The following ZC3H12B variants were observed in gnomAD, a reference collection of about 807,000 sequenced individuals.
ZC3H12B encodes probable ribonuclease ZC3H12B.
A neutral mutation model predicts 43.9 loss-of-function variants in ZC3H12B; 7 were observed. The ratio of observed to expected loss-of-function variants is 0.16; its 90% CI spans 0.09 to 0.30. The LOEUF (loss-of-function observed/expected upper bound fraction) is 0.30, where lower values mean the gene tolerates loss of function less well. Among genes scored for constraint, ZC3H12B ranks in the 10% least tolerant of loss-of-function variants. The probability of loss-of-function intolerance (pLI) is 1.00; values close to 1 mark genes in which losing one functional copy is unlikely to be tolerated. For synonymous variants in ZC3H12B, 222 were observed against 241.7 expected (o/e 0.92, Z 0.76); for missense variants, 475 against 670.2 (o/e 0.71, Z 3.22).
chrX:65,390,089 A>T, intron 2 of ZC3H12B, among the ~76,000 whole-genome samples: 1 of 112,064 alleles, frequency 8.9e-6, no homozygotes, highest in Non-Finnish European at 1.9e-5. Context: ...AAAAAGGATG[A>T]GTTCATGTCC....
chrX:65,454,187 G>A (rs1403620279), intron 3 of ZC3H12B, among the ~76,000 whole-genome samples: 1 of 112,781 alleles, frequency 8.9e-6, no homozygotes, highest in African/African-American at 3.2e-5. Context: ...GAAGCAGGGC[G>A]AGGCATCACC....
At chrX:65,335,183 C>A in the ZC3H12B span, among the ~76,000 whole-genome samples, 2 of 111,966 alleles carry the variant, frequency 1.8e-5, no homozygotes, top group African/African-American at 6.5e-5. Context: ...TGAGAAGGAG[C>A]TATCCACTTC....
chrX:65,257,098 A>G, the ZC3H12B span, among the ~76,000 whole-genome samples: 6 of 112,265 alleles, frequency 5.3e-5, no homozygotes, highest in East Asian at 1.4e-3. Context: ...CCATCCCATT[A>G]CTGGGTATAT....
chrX:65,299,415 T>C, the ZC3H12B span, among the ~76,000 whole-genome samples: 1 of 112,030 alleles, frequency 8.9e-6, no homozygotes, highest in South Asian at 3.7e-4. Flanking sequence ...TCCAACTATA[T>C]ATAAAAAATA....
At chrX:65,385,290 G>A (rs1248991193) in intron 2 of ZC3H12B, among the ~76,000 whole-genome samples, 2 of 112,074 alleles carry the variant, frequency 1.8e-5, no homozygotes, top group African/African-American at 6.5e-5. Context: ...AGCATGGAAT[G>A]TTCTTCCATT....
At chrX:65,129,486 CG>C in the ZC3H12B span, among the ~76,000 whole-genome samples, 1 of 108,610 alleles carries the variant, frequency 9.2e-6, no homozygotes, top group Non-Finnish European at 1.9e-5. Context: ...TGTTCTCTGG[CG>C]GGCAGGGGCG....
the ZC3H12B span, among the ~76,000 whole-genome samples, chrX:65,109,841 C>T: frequency 1.8e-5 from 2 of 109,846 alleles, no homozygotes; most frequent in Admixed American, 9.6e-5. Flanking sequence ...TCTAATTTCT[C>T]CACATCTTCA....
At chrX:65,080,849 G>A in the ZC3H12B span, among the ~76,000 whole-genome samples, 4 of 111,495 alleles carry the variant, frequency 3.6e-5, no homozygotes, top group African/African-American at 1.3e-4. Flanking sequence ...TGTCACTGTG[G>A]TATGTAAACT....
chrX:65,280,220 C>T, the ZC3H12B span, among the ~76,000 whole-genome samples: 1 of 112,246 alleles, frequency 8.9e-6, no homozygotes, highest in Admixed American at 9.4e-5. Flanking sequence ...TGGGATTTAT[C>T]CCAGGACTTC....
At chrX:65,050,455 A>G in the ZC3H12B span, among the ~76,000 whole-genome samples, 1 of 111,279 alleles carries the variant, frequency 9.0e-6, no homozygotes, top group Non-Finnish European at 1.9e-5. Flanking sequence ...AAGTGGTGAC[A>G]ACAGGCATCC....
the ZC3H12B span, among the ~76,000 whole-genome samples, chrX:65,239,610 A>G: frequency 2.7e-5 from 3 of 111,812 alleles, no homozygotes; most frequent in African/African-American, 9.8e-5. Context: ...TGTGAATTTG[A>G]TCATGTTATG....
At chrX:65,246,964 C>G in the ZC3H12B span, among the ~76,000 whole-genome samples, 1 of 112,428 alleles carries the variant, frequency 8.9e-6, no homozygotes, top group Non-Finnish European at 1.9e-5. Flanking sequence ...ACAGAGTGAA[C>G]AGACAACCTA....
chrX:65,236,054 A>T, the ZC3H12B span, among the ~76,000 whole-genome samples: 2 of 111,848 alleles, frequency 1.8e-5, no homozygotes, highest in Non-Finnish European at 3.8e-5. Flanking sequence ...ATGCCTGCTG[A>T]TTGGTTTATG....
At chrX:65,305,036 AT>A in the ZC3H12B span, among the ~76,000 whole-genome samples, 1 of 112,176 alleles carries the variant, frequency 8.9e-6, no homozygotes, top group African/African-American at 3.2e-5. Context: ...GAGATGGCAA[AT>A]AAACACAAGA....
At chrX:65,381,802 A>T (rs1178912588) in intron 2 of ZC3H12B, among the ~76,000 whole-genome samples, 1 of 112,028 alleles carries the variant, frequency 8.9e-6, no homozygotes. Context: ...AATACAAACC[A>T]CCATCAGAGA....
chrX:65,111,513 C>A, the ZC3H12B span, among the ~76,000 whole-genome samples: 1 of 108,784 alleles, frequency 9.2e-6, no homozygotes, highest in Non-Finnish European at 1.9e-5. Flanking sequence ...CACTTTATTG[C>A]AATTTGCAAG....
At chrX:65,105,546 G>C in the ZC3H12B span, among the ~76,000 whole-genome samples, 1 of 111,527 alleles carries the variant, frequency 9.0e-6, no homozygotes, top group Non-Finnish European at 1.9e-5. Flanking sequence ...CTGAGATCTA[G>C]ACCTTGCTGG....
the ZC3H12B span, among the ~76,000 whole-genome samples, chrX:65,140,837 T>C: frequency 9.0e-6 from 1 of 111,705 alleles, no homozygotes; most frequent in Non-Finnish European, 1.9e-5. Flanking sequence ...TGTTTCCAGG[T>C]TGTCTAATTT....
At chrX:65,396,046 T>A (rs2066692638) in intron 2 of ZC3H12B, among the ~76,000 whole-genome samples, 1 of 111,578 alleles carries the variant, frequency 9.0e-6, no homozygotes, top group Non-Finnish European at 1.9e-5. Context: ...CCCTTTATCA[T>A]TTTTATTGGG....
Sources: gnomAD v4.1 joint callset for allele counts (sites outside exome capture counted in the v4.1 genomes callset) on GRCh38, gnomAD v4.1.1 for gene constraint, MANE v1.5 for transcripts, NCBI Gene and HGNC (gene_info 2026-07-23, HGNC 2026-07-21) for gene names.